Variants in PPP3R1 observed in about 807,000 individuals in gnomAD.
The protein encoded by PPP3R1 is protein phosphatase 3 regulatory subunit B, alpha.
In PPP3R1, 5 loss-of-function variants were observed where a neutral mutation model predicts 22.6. The ratio of observed to expected loss-of-function variants is 0.22; its 90% CI spans 0.12 to 0.46. PPP3R1 has a LOEUF of 0.46. PPP3R1 is among the 20% of genes least tolerant of loss of function. The probability of loss-of-function intolerance (pLI) is 0.99; values close to 1 mark genes in which losing one functional copy is unlikely to be tolerated. For missense variants in PPP3R1, 61 were observed against 203.2 expected (o/e 0.30, Z 4.25); for synonymous variants, 56 against 65.2 (o/e 0.86, Z 0.68).
intron 1 of PPP3R1, among the ~76,000 whole-genome samples, chr2:68,219,630 G>A (rs867933078): frequency 9.2e-5 from 14 of 152,106 alleles, no homozygotes; most frequent in African/African-American, 3.4e-4. Context: ...CATTTCTGAA[G>A]GTAAATTAAT....
At chr2:68,251,339 C>T (rs1030716868) in intron 1 of PPP3R1, among the ~76,000 whole-genome samples, 2 of 152,180 alleles carry the variant, frequency 1.3e-5, no homozygotes, top group African/African-American at 4.8e-5. Context: ...TCAAAAACAA[C>T]CACTCCAAGA....
chr2:68,238,714 CACCT>C (rs1200993333), intron 1 of PPP3R1, among the ~76,000 whole-genome samples: 1 of 151,992 alleles, frequency 6.6e-6, no homozygotes, highest in Non-Finnish European at 1.5e-5. Flanking sequence ...CAAAATAGCC[CACCT>C]GAGAAATAAA....
At chr2:68,232,813 GCC>G (rs1370508680) in intron 1 of PPP3R1, among the ~76,000 whole-genome samples, 1 of 152,006 alleles carries the variant, frequency 6.6e-6, no homozygotes, top group Admixed American at 6.6e-5. Flanking sequence ...TGCCATATTG[GCC>G]AGGCTGGTCT....
intron 2 of PPP3R1, among the ~76,000 whole-genome samples, chr2:68,195,630 T>C (rs1674751690): frequency 6.6e-6 from 1 of 152,166 alleles, no homozygotes; most frequent in South Asian, 2.1e-4. Flanking sequence ...ACCGTGGTAT[T>C]TGCCTAATGA....
At chr2:68,199,844 C>G (rs1480887257) in intron 2 of PPP3R1, among the ~76,000 whole-genome samples, 3 of 152,114 alleles carry the variant, frequency 2.0e-5, no homozygotes, top group African/African-American at 7.2e-5. Context: ...CTTGCAAATA[C>G]TAAATGATTT....
intron 1 of PPP3R1, among the ~76,000 whole-genome samples, chr2:68,227,083 A>C (rs1249427629): frequency 6.6e-6 from 1 of 152,086 alleles, no homozygotes; most frequent in Non-Finnish European, 1.5e-5. Flanking sequence ...TCTCTGAAAT[A>C]TTCAAAGCTT....
At chr2:68,237,434 C>CTCTACCATA (rs1262199440) in intron 1 of PPP3R1, among the ~76,000 whole-genome samples, 5 of 152,020 alleles carry the variant, frequency 3.3e-5, no homozygotes, top group Non-Finnish European at 1.5e-5. Context: ...CCCAATCTTG[C>CTCTACCATA]TCTACCATAT....
chr2:68,187,371 A>G, intron 3 of PPP3R1, 57 bp from the exon 4 acceptor site: 1 of 1,406,882 alleles, frequency 7.1e-7, no homozygotes, highest in Non-Finnish European at 9.9e-7. Flanking sequence ...TACACAAAAA[A>G]CATATTTACC....
chr2:68,186,662 A>AT lies in PPP3R1; in HGVS notation c.281-11_281-10insA. 1.3e-6 allele frequency: 2 copies of AT among 1,589,646 alleles called. No homozygotes were observed. The highest frequency in any genetic ancestry group is 1.7e-6 in the Non-Finnish European group (2 of 1,166,188). On this transcript the variant is annotated splice_polypyrimidine_tract_variant and intron_variant, in intron 4 of 5. Coordinates refer to ENST00000234310, the MANE Select transcript of PPP3R1 (RefSeq NM_000945.4). ...TAGATACGGAAAGCAACTAAAAAAA[A>AT]GGAAGGAAAATCAATTCCAATTACA...
Position 68,191,149 on chromosome 2 carries a change from G to A in PPP3R1, c.44-2459C>T, listed in dbSNP as rs533936086. Among the ~76,000 whole-genome samples the A allele has an allele frequency of 1.1e-4, 17 of 152,148 alleles. 1 individual carries two copies. The highest frequency in any genetic ancestry group is 2.5e-4 in the Non-Finnish European group (17 of 68,026). ...CCAAAATACACATACAGTCAGTCAT[G>A]AGTCACTTAACGATGGGGTTACACT... On this transcript the variant is annotated intron_variant, in intron 2 of 5. Transcript: ENST00000234310.
chr2:68,235,453 G>A (rs1394395353), intron 1 of PPP3R1, among the ~76,000 whole-genome samples: 1 of 152,110 alleles, frequency 6.6e-6, no homozygotes, highest in Non-Finnish European at 1.5e-5. Flanking sequence ...AAATACAAAT[G>A]AAATTATACA....
At chr2:68,181,056 T>A in intron 5 of PPP3R1, 46 bp from the exon 6 acceptor site, 5 of 1,563,460 alleles carry the variant, frequency 3.2e-6, no homozygotes, top group Middle Eastern at 1.7e-4. Flanking sequence ...TCTGAGAAAC[T>A]CCTCATTCGT....
At chr2:68,204,031 T>A (rs1378025756) in intron 2 of PPP3R1, among the ~76,000 whole-genome samples, 1 of 152,192 alleles carries the variant, frequency 6.6e-6, no homozygotes, top group African/African-American at 2.4e-5. Context: ...CCACTCAGAA[T>A]TACACTGGCT....
intron 1 of PPP3R1, among the ~76,000 whole-genome samples, chr2:68,229,973 TACACACACACACAC>T (rs201152385): frequency 0.044 from 6,266 of 143,214 alleles, 414 homozygotes; most frequent in African/African-American, 0.15. Flanking sequence ...TATACACACA[TACACACACACACAC>T]ACACACACAC....
At chr2:68,182,073 C>A (rs1471526618) in intron 5 of PPP3R1, among the ~76,000 whole-genome samples, 17 of 37,202 alleles carry the variant, frequency 4.6e-4, no homozygotes, top group Middle Eastern at 0.011. Context: ...CTCCTCCAAC[C>A]CCCCCCTCCC....
chr2:68,251,553 G>C (rs185506029), intron 1 of PPP3R1, among the ~76,000 whole-genome samples: 2 of 152,208 alleles, frequency 1.3e-5, no homozygotes, highest in Non-Finnish European at 2.9e-5. Context: ...CAGCTAAACC[G>C]ACGCTCGCAG....
intron 1 of PPP3R1, among the ~76,000 whole-genome samples, chr2:68,245,443 C>G (rs565025428): frequency 6.6e-6 from 1 of 152,284 alleles, no homozygotes; most frequent in African/African-American, 2.4e-5. Context: ...ATGTCTCAAG[C>G]CTATCAAATT....
At chr2:68,198,205 T>G (rs556550547) in intron 2 of PPP3R1, among the ~76,000 whole-genome samples, 1 of 143,858 alleles carries the variant, frequency 7.0e-6, no homozygotes, top group African/African-American at 2.5e-5. Flanking sequence ...TACATATATG[T>G]GCATACATAT....
intron 1 of PPP3R1, among the ~76,000 whole-genome samples, chr2:68,220,707 C>T (rs903763394): frequency 3.9e-5 from 6 of 152,060 alleles, no homozygotes; most frequent in Non-Finnish European, 7.4e-5. Flanking sequence ...TAATAGGACG[C>T]TATAAAATGG....
Sources: allele counts gnomAD v4.1 joint callset (sites outside exome capture counted in the v4.1 genomes callset), GRCh38; gene constraint gnomAD v4.1.1; transcripts MANE v1.5; gene names NCBI Gene and HGNC (gene_info 2026-07-23, HGNC 2026-07-21).